TMED10: variants seen among roughly 807,000 people sequenced by gnomAD.
The protein encoded by TMED10 is transmembrane p24 trafficking protein 10.
In TMED10, 7 loss-of-function variants were observed where a neutral mutation model predicts 23.1. The observed-to-expected ratio is 0.30, with a 90% CI of 0.17 to 0.57. TMED10 has a LOEUF of 0.57. Among genes scored for constraint, TMED10 ranks in the 20% least tolerant of loss-of-function variants. The pLI is 0.91. For synonymous variants in TMED10, 113 were observed against 106.9 expected (o/e 1.06, Z -0.35); for missense variants, 162 against 274.8 (o/e 0.59, Z 2.90).
At chr14:75,143,418 C>A (rs531695890) in intron 3 of TMED10, among the ~76,000 whole-genome samples, 1 of 152,134 alleles carries the variant, frequency 6.6e-6, no homozygotes, top group Non-Finnish European at 1.5e-5. Context: ...GGTATTAATT[C>A]TCTGAAAAAA....
chr14:75,162,174 A>G (rs931409913), intron 1 of TMED10, among the ~76,000 whole-genome samples: 4 of 152,208 alleles, frequency 2.6e-5, no homozygotes, highest in Non-Finnish European at 4.4e-5. Context: ...CTGAGGCATG[A>G]CAATCACTTG....
intron 3 of TMED10, among the ~76,000 whole-genome samples, chr14:75,144,980 A>C (rs1895864848): frequency 6.6e-6 from 1 of 152,168 alleles, no homozygotes; most frequent in South Asian, 2.1e-4. Flanking sequence ...ATTTCTAAGC[A>C]AGGTTCAAGG....
intron 3 of TMED10, among the ~76,000 whole-genome samples, chr14:75,146,304 C>T (rs1326178606): frequency 6.6e-6 from 1 of 152,170 alleles, no homozygotes; most frequent in African/African-American, 2.4e-5. Context: ...CAGAATTAAC[C>T]AGTCATTTCC....
chr14:75,141,918 C>T (rs961002539), intron 3 of TMED10, among the ~76,000 whole-genome samples: 11 of 152,282 alleles, frequency 7.2e-5, no homozygotes, highest in Admixed American at 1.3e-4. Flanking sequence ...CTCAAGAAGA[C>T]GCTCTTTACT....
At chr14:75,165,906 G>C (rs1014157547) in intron 1 of TMED10, among the ~76,000 whole-genome samples, 5 of 151,364 alleles carry the variant, frequency 3.3e-5, no homozygotes, top group African/African-American at 1.2e-4. Context: ...ATAATGGATA[G>C]ATGCTCTCTT....
At chr14:75,174,020 C>T (rs1896269186) in intron 1 of TMED10, among the ~76,000 whole-genome samples, 1 of 152,202 alleles carries the variant, frequency 6.6e-6, no homozygotes, top group African/African-American at 2.4e-5. Context: ...CATGACCCAC[C>T]AAGCCCGGCC....
chr14:75,135,635 G>A, intron 4 of TMED10, 125 bp downstream of exon 4: 1 of 1,346,500 alleles, frequency 7.4e-7, no homozygotes, highest in East Asian at 2.4e-5. Context: ...CAACAGCGAA[G>A]CAAGCAATTT....
At chr14:75,147,517 T>C in intron 3 of TMED10, 147 bp downstream of exon 3, 1 of 865,514 alleles carries the variant, frequency 1.2e-6, no homozygotes, top group Non-Finnish European at 1.9e-6. Context: ...CCACTTTTTG[T>C]ATCAGTAAGA....
At chr14:75,145,922 T>A (rs1895878213) in intron 3 of TMED10, among the ~76,000 whole-genome samples, 1 of 152,158 alleles carries the variant, frequency 6.6e-6, no homozygotes, top group South Asian at 2.1e-4. Flanking sequence ...AACCACAAAC[T>A]GGAAATCATT....
At chr14:75,165,987 T>TGG (rs74620569) in intron 1 of TMED10, among the ~76,000 whole-genome samples, 40 of 55,120 alleles carry the variant, frequency 7.3e-4, no homozygotes, top group African/African-American at 2.5e-3. Context: ...GGGGGAGGAG[T>TGG]GGGGGGGTAA....
chr14:75,148,847 T>C (rs1895919837), intron 2 of TMED10, among the ~76,000 whole-genome samples: 1 of 152,262 alleles, frequency 6.6e-6, no homozygotes, highest in Admixed American at 6.5e-5. Flanking sequence ...TCAAAGTTCA[T>C]GTGTTGGAAA....
chr14:75,153,953 G>A (rs1895987482), intron 1 of TMED10, among the ~76,000 whole-genome samples: 1 of 151,120 alleles, frequency 6.6e-6, no homozygotes, highest in African/African-American at 2.4e-5. Context: ...TGTATTTTTA[G>A]TAAAGACAGG....
At chr14:75,142,235 T>A (rs538784872) in intron 3 of TMED10, among the ~76,000 whole-genome samples, 3 of 152,302 alleles carry the variant, frequency 2.0e-5, no homozygotes, top group Admixed American at 1.3e-4. Context: ...ATGTAGTTGT[T>A]AAATAATCAA....
In TMED10 at chr14:75,132,320, GA is replaced by G; in HGVS notation, c.*2564del. On this transcript the variant is annotated 3_prime_UTR_variant, in exon 5 of 5. Coordinates refer to ENST00000303575, the MANE Select transcript of TMED10 (RefSeq NM_006827.6). ...GGAGAATTGCTTGAACCCAGGAGGT[GA>G]AGGTTGCAGCGAGCTGAGATAGTGC... 1 of 148,178 alleles carries G rather than the reference GA, an allele frequency of 6.7e-6. No homozygotes were observed. Among genetic ancestry groups the G allele is most frequent in the Non-Finnish European group, 1.5e-5 (1 of 67,280 alleles). 9.2% of individuals were successfully genotyped at this position (148,178 alleles called of 1,614,324 possible).
intron 4 of TMED10, 177 bp downstream of exon 4, chr14:75,135,581 ACT>A (rs943988384): frequency 1.5e-5 from 12 of 779,862 alleles, no homozygotes; most frequent in Non-Finnish European, 2.3e-5. Context: ...AGGAGTTTCT[ACT>A]CTCTTGAAAA....
Position 75,151,444 on chromosome 14 carries a change from C to T in TMED10, c.337+588G>A, listed in dbSNP as rs1384874536. On this transcript the variant is annotated intron_variant, in intron 2 of 4. Transcript: ENST00000303575. Reference sequence around the variant, plus strand: ...ATGTTGGCCAGGCTGGTCTCAAACTCCTAACCTTCAGTGATCTGCCTGCCT... The same window carrying T: ...ATGTTGGCCAGGCTGGTCTCAAACTTCTAACCTTCAGTGATCTGCCTGCCT... 2.0e-5 allele frequency among the ~76,000 whole-genome samples: 3 copies of T among 152,132 alleles called. No individual in the cohort carries two copies. In the East Asian group the frequency reaches 5.8e-4, roughly 29 times the overall value.
chr14:75,151,451 T>C (rs1566672002), intron 2 of TMED10, among the ~76,000 whole-genome samples: 2 of 152,120 alleles, frequency 1.3e-5, no homozygotes, highest in Non-Finnish European at 2.9e-5. Context: ...ACTCCTAACC[T>C]TCAGTGATCT....
intron 1 of TMED10, among the ~76,000 whole-genome samples, chr14:75,162,440 C>T (rs563026792): frequency 6.6e-6 from 1 of 152,282 alleles, no homozygotes; most frequent in African/African-American, 2.4e-5. Context: ...TCTACACTTA[C>T]ATATAAATGA....
At chr14:75,152,958 C>T (rs1594869447) in intron 1 of TMED10, among the ~76,000 whole-genome samples, 1 of 152,194 alleles carries the variant, frequency 6.6e-6, no homozygotes, top group Admixed American at 6.5e-5. Flanking sequence ...CTCGTCTCTA[C>T]TAAAAATACC....
Sources: gnomAD v4.1 joint callset for allele counts (sites outside exome capture counted in the v4.1 genomes callset) on GRCh38, gnomAD v4.1.1 for gene constraint, MANE v1.5 for transcripts, NCBI Gene and HGNC (gene_info 2026-07-23, HGNC 2026-07-21) for gene names.